The following DCAF4 variants were observed in gnomAD, a reference collection of about 807,000 sequenced individuals.
The protein encoded by DCAF4 is DDB1 and CUL4 associated factor 4.
A neutral mutation model predicts 60.9 loss-of-function variants in DCAF4; 37 were observed. The ratio of observed to expected loss-of-function variants is 0.61; its 90% CI spans 0.47 to 0.80. The LOEUF (loss-of-function observed/expected upper bound fraction) is 0.80, where lower values mean the gene tolerates loss of function less well. Ranked by LOEUF, DCAF4 falls within the 30% of genes least tolerant of loss-of-function variation. The pLI, the probability that DCAF4 is intolerant of heterozygous loss-of-function variation, is 0.00. For missense variants in DCAF4, 577 were observed against 650.0 expected (o/e 0.89, Z 1.22); for synonymous variants, 243 against 254.8 (o/e 0.95, Z 0.44).
chr14:72,944,248 G>A (rs1321692945), intron 6 of DCAF4, among the ~76,000 whole-genome samples: 2 of 152,154 alleles, frequency 1.3e-5, no homozygotes, highest in Non-Finnish European at 2.9e-5. Context: ...CGGTGTGACC[G>A]CAGGGCCAGA....
chr14:72,953,728 A>T (rs1235333316), intron 9 of DCAF4, among the ~76,000 whole-genome samples: 1,126 of 37,704 alleles, frequency 0.03, 91 homozygotes, highest in Non-Finnish European at 0.038. Flanking sequence ...AAAAAAAAAA[A>T]AAAAATATAT....
intron 1 of DCAF4, chr14:72,930,025 C>G: frequency 3.5e-6 from 2 of 576,080 alleles, no homozygotes; most frequent in Non-Finnish European, 6.2e-6. Context: ...CCGGCTACTC[C>G]GAGGTTGAGG....
intron 3 of DCAF4, 119 bp from the exon 4 acceptor site, chr14:72,940,101 A>C (rs1008185786): frequency 7.1e-7 from 1 of 1,405,222 alleles, no homozygotes; most frequent in Admixed American, 1.9e-5. Context: ...AAGGCAGCTC[A>C]TCCCCGCCCT....
rs1394834179 is a variant in DCAF4 at position 72,939,825 on chromosome 14, C to T, written c.116C>T (p.Pro39Leu). The T allele has an allele frequency of 1.9e-6, 3 of 1,613,090 alleles. No individual in the cohort carries two copies. Among genetic ancestry groups the T allele is most frequent in the Non-Finnish European group, 2.5e-6 (3 of 1,179,614 alleles). ...AGGTCTGACTCCCGGGCAGCACAGC[C>T]CGCTCACGATTCCGGCCACGGTGAT... The part of the protein sequence containing the change: ...EDRSDSRAAQ[P>L]AHDSGHGDDE... Residue 39 changes from proline to leucine, a missense_variant, in exon 3 of 14, where the codon CCC becomes CTC. Transcript: ENST00000358377.
chr14:72,927,730 G>A (rs935537935), intron 1 of DCAF4, among the ~76,000 whole-genome samples: 1 of 152,104 alleles, frequency 6.6e-6, no homozygotes, highest in African/African-American at 2.4e-5. Context: ...TTTAACTTAC[G>A]CTGGGTGTGG....
chr14:72,928,985 C>T (rs1438532165), intron 1 of DCAF4, among the ~76,000 whole-genome samples: 1 of 151,846 alleles, frequency 6.6e-6, no homozygotes, highest in Non-Finnish European at 1.5e-5. Context: ...CCAGGGGAGG[C>T]GAGGCCAGCC....
chr14:72,941,212 C>T (rs946569144), intron 4 of DCAF4, among the ~76,000 whole-genome samples: 1 of 152,062 alleles, frequency 6.6e-6, no homozygotes, highest in African/African-American at 2.4e-5. Context: ...GTAATCCGCC[C>T]ACCTTGGCCT....
At chr14:72,953,782 T>TTGTGTGTGTGTG (rs149574612) in intron 9 of DCAF4, among the ~76,000 whole-genome samples, 1 of 41,092 alleles carries the variant, frequency 2.4e-5, no homozygotes, top group African/African-American at 9.5e-5. Context: ...ATTTATTTAT[T>TTGTGTGTGTGTG]TGTGTGTGTG....
At chr14:72,945,756 A>C (rs2247080) in intron 6 of DCAF4, 128 bp from the exon 7 acceptor site, 274,116 of 1,265,002 alleles carry the variant, frequency 0.22, 33,448 homozygotes, top group East Asian at 0.46. Context: ...ACTCTCGCTC[A>C]TGGAGAGGAA....
chr14:72,955,669 C>T lies in DCAF4; in HGVS notation c.1152C>T (p.Tyr384=), dbSNP rs1892177228. ...TGCGGATCCTCCAAGATGAGCAATA[C>T]CTGATGGCTTCAGACATGGCTGGAA... The part of the protein sequence containing the change: ...TSVRILQDEQ[Y]LMASDMAGKI... Residue 384 remains tyrosine, a synonymous_variant, in exon 12 of 14, where the codon TAC becomes TAT. Coordinates refer to ENST00000358377, the MANE Select transcript of DCAF4 (RefSeq NM_015604.4). 2 of 1,613,998 alleles carry T rather than the reference C, an allele frequency of 1.2e-6. No homozygotes were observed. Among genetic ancestry groups the T allele is most frequent in the African/African-American group, 1.3e-5 (1 of 75,030 alleles).
At chr14:72,956,629 T>C in intron 13 of DCAF4, 129 bp downstream of exon 13, 1 of 830,692 alleles carries the variant, frequency 1.2e-6, no homozygotes, top group Non-Finnish European at 2.0e-6. Flanking sequence ...TGTGGACAGC[T>C]GGGTGGGGAG....
At chr14:72,960,396 C>A (rs555685433), downstream of DCAF4, among the ~76,000 whole-genome samples, 1 of 152,124 alleles carries the variant, frequency 6.6e-6, no homozygotes, top group African/African-American at 2.4e-5. Context: ...GTGATCTGCC[C>A]GCCTCAGCCT....
intron 13 of DCAF4, 97 bp downstream of exon 13, chr14:72,956,597 A>C: frequency 8.6e-7 from 1 of 1,162,770 alleles, no homozygotes; most frequent in Non-Finnish European, 1.3e-6. Context: ...GTTACCCCAA[A>C]ACAGAACTGA....
At chr14:72,960,664 C>T, downstream of DCAF4, 5 of 1,065,168 alleles carry the variant, frequency 4.7e-6, no homozygotes, top group Non-Finnish European at 5.8e-6. Flanking sequence ...CAGGAAAGGA[C>T]AGAGATACCT....
At chr14:72,953,735 ATATATAT>A (rs1567325077) in intron 9 of DCAF4, among the ~76,000 whole-genome samples, 231 of 17,506 alleles carry the variant, frequency 0.013, 54 homozygotes, top group Non-Finnish European at 0.019. Context: ...AAAAAAAAAT[ATATATAT>A]ATATATATAT....
chr14:72,927,445 G>A (rs574385857), intron 1 of DCAF4, among the ~76,000 whole-genome samples: 43 of 149,514 alleles, frequency 2.9e-4, no homozygotes, highest in Non-Finnish European at 5.3e-4. Flanking sequence ...TCCGCCCCCG[G>A]GGTTCACGCC....
In DCAF4 at chr14:72,953,089, C is replaced by T. The variant is rs1306210456; in HGVS notation, c.809-1075C>T. On this transcript the variant is annotated intron_variant, in intron 9 of 13. Coordinates refer to ENST00000358377, the MANE Select transcript of DCAF4 (RefSeq NM_015604.4). ...GATCTCAGTTCACCGCAACCTCCGC[C>T]TCTGGGGCTCAAGCGATTCTCCTGC... 5.3e-5 allele frequency among the ~76,000 whole-genome samples: 8 copies of T among 149,710 alleles called. No individual in the cohort carries two copies. In the Admixed American group the frequency reaches 5.4e-4, roughly 10 times the overall value.
chr14:72,961,385 C>T (rs1301378031), downstream of DCAF4, among the ~76,000 whole-genome samples: 1 of 152,228 alleles, frequency 6.6e-6, no homozygotes, highest in African/African-American at 2.4e-5. Context: ...AGATACTTTT[C>T]TAACAGGGTA....
intron 7 of DCAF4, 146 bp from the exon 8 acceptor site, chr14:72,946,996 C>A: frequency 9.5e-7 from 1 of 1,047,296 alleles, no homozygotes; most frequent in Non-Finnish European, 1.5e-6. Flanking sequence ...GCTTAAGCCC[C>A]ACCCTCAGAA....
Sources: gnomAD v4.1 joint callset for allele counts (sites outside exome capture counted in the v4.1 genomes callset) on GRCh38, gnomAD v4.1.1 for gene constraint, MANE v1.5 for transcripts, NCBI Gene and HGNC (gene_info 2026-07-23, HGNC 2026-07-21) for gene names.